ALKBH3: variants seen among roughly 807,000 people sequenced by gnomAD.
The protein encoded by ALKBH3 is alkB homolog 3, alpha-ketoglutarate dependent dioxygenase, also known as alpha-ketoglutarate-dependent dioxygenase alkB homolog 3.
ALKBH3 carries 51 observed loss-of-function variants against 43.9 expected under a neutral mutation model. The ratio of observed to expected loss-of-function variants is 1.16; its 90% CI spans 0.93 to 1.47. ALKBH3 has a LOEUF of 1.47. ALKBH3 is among the 40% of genes most tolerant of loss of function. The pLI is 0.00. For synonymous variants in ALKBH3, 102 were observed against 115.2 expected, an observed-to-expected ratio of 0.89 and a Z score of 0.73; for missense variants, 361 against 351.9, an observed-to-expected ratio of 1.03 and a Z score of -0.21.
intron 8 of ALKBH3, among the ~76,000 whole-genome samples, chr11:43,902,469 C>T (rs1256203356): frequency 6.6e-6 from 1 of 152,124 alleles, no homozygotes; most frequent in East Asian, 1.9e-4. Flanking sequence ...ATAGTAATGC[C>T]AAGAAAAGAG....
chr11:43,896,202 G>A (rs1951817189), intron 7 of ALKBH3, among the ~76,000 whole-genome samples: 1 of 151,750 alleles, frequency 6.6e-6, no homozygotes, highest in East Asian at 1.9e-4. Context: ...GCAAAAATTA[G>A]AATTTTAGAA....
intron 7 of ALKBH3, chr11:43,897,568 G>A (rs1951828267): frequency 3.8e-6 from 3 of 785,958 alleles, no homozygotes; most frequent in Admixed American, 1.7e-5. Context: ...ACATTCATGG[G>A]CAGTGACACT....
At chr11:43,889,177 G>A (rs958867575) in intron 5 of ALKBH3, among the ~76,000 whole-genome samples, 4 of 152,148 alleles carry the variant, frequency 2.6e-5, no homozygotes, top group Admixed American at 1.3e-4. Context: ...ACAGGCATGC[G>A]CCACCACGCC....
intron 7 of ALKBH3, chr11:43,897,668 G>A: frequency 1.2e-6 from 1 of 859,134 alleles, no homozygotes; most frequent in Non-Finnish European, 2.0e-6. Context: ...TGCTGAAGAA[G>A]ATTGCAGGAG....
At chr11:43,917,668 C>T (rs1590383946) in intron 8 of ALKBH3, among the ~76,000 whole-genome samples, 2 of 151,980 alleles carry the variant, frequency 1.3e-5, no homozygotes, top group Non-Finnish European at 2.9e-5. Flanking sequence ...ATCAGAGCAG[C>T]GTTTTGCTTT....
At position 43,919,053 on chromosome 11, in the gene ALKBH3, T is replaced by G; in HGVS notation, c.685T>G (p.Tyr229Asp). The change falls in exon 9 of 10, where the codon TAC (tyrosine) becomes GAC (aspartate). Residue 229 changes from tyrosine (Y) to aspartate (D), a missense_variant. Coordinates refer to ENST00000302708, the MANE Select transcript of ALKBH3 (RefSeq NM_139178.4). ...KKPPPEENGD[Y>D]TYVERVKIPL... ...TGTTTTCTAGGAAGAGAATGGAGAC[T>G]ACACATATGTGGAAAGAGTGAAGAT... The G allele has an allele frequency of 6.2e-7, 1 of 1,608,854 alleles. No individual in the cohort carries two copies.
chr11:43,891,932 C>T, intron 6 of ALKBH3, 109 bp from the exon 7 acceptor site: 1 of 807,288 alleles, frequency 1.2e-6, no homozygotes, highest in Non-Finnish European at 2.0e-6. Flanking sequence ...CCCATTCTTA[C>T]TTTTCTTTTG....
At chr11:43,906,690 A>T (rs1230169070) in intron 8 of ALKBH3, among the ~76,000 whole-genome samples, 1 of 152,176 alleles carries the variant, frequency 6.6e-6, no homozygotes, top group African/African-American at 2.4e-5. Context: ...CTATTTTTTT[A>T]AAGTAAATAA....
At chr11:43,902,737 C>T (rs1394619007) in intron 8 of ALKBH3, among the ~76,000 whole-genome samples, 1 of 152,228 alleles carries the variant, frequency 6.6e-6, no homozygotes, top group Non-Finnish European at 1.5e-5. Flanking sequence ...GCTGGGATTA[C>T]AGGCGTGTGC....
chr11:43,898,503 C>T lies in ALKBH3; in HGVS notation c.460-3013C>T, dbSNP rs115010557. On this transcript the variant is annotated intron_variant, in intron 7 of 9. Transcript: ENST00000302708. The stretch of plus-strand genomic sequence containing the variant: ...ACACCAACGGCTTGGTGAGAGCACT[C>T]GGGGAGGAAGCCCTGCTGAGATACG... The T allele has an allele frequency of 3.5e-3, 3,324 of 939,554 alleles. 31 individuals carry two copies. The highest frequency in any genetic ancestry group is 0.023 in the African/African-American group (1,394 of 61,876). The allele number at this position is 939,554 out of a possible 1,614,324, so 58.2% of individuals were successfully genotyped here. A position where few individuals can be genotyped will look rare whatever the true frequency, so the allele number is the denominator to read the frequency against.
At position 43,881,029 on chromosome 11, in the gene ALKBH3, G is replaced by C. The variant is rs1951707125; in HGVS notation, c.-221G>C. 6.6e-6 allele frequency: 1 copy of C among 152,306 alleles called. No homozygotes were observed. Among genetic ancestry groups the C allele is most frequent in the Non-Finnish European group, 1.5e-5 (1 of 68,112 alleles). 9.4% of individuals were successfully genotyped at this position (152,306 alleles called of 1,614,324 possible). Reference sequence around the variant, plus strand: ...GGGCGACCTCCGGGGCCTCATTCTAGGCCTCCTTAAAGAGAAGGATCTAAA... The same window carrying C: ...GGGCGACCTCCGGGGCCTCATTCTACGCCTCCTTAAAGAGAAGGATCTAAA... On this transcript the variant is annotated 5_prime_UTR_variant, in exon 1 of 10. Transcript: ENST00000302708.
chr11:43,911,487 A>C (rs1382880376), intron 8 of ALKBH3, among the ~76,000 whole-genome samples: 1 of 152,192 alleles, frequency 6.6e-6, no homozygotes, highest in African/African-American at 2.4e-5. Context: ...TAGGCAGTCG[A>C]CTGTGTAAGT....
At chr11:43,907,634 C>T (rs1394806641) in intron 8 of ALKBH3, among the ~76,000 whole-genome samples, 1 of 152,036 alleles carries the variant, frequency 6.6e-6, no homozygotes, top group African/African-American at 2.4e-5. Flanking sequence ...TTTCACAAGT[C>T]ACATTTTCAT....
At chr11:43,905,008 G>A (rs1303663838) in intron 8 of ALKBH3, among the ~76,000 whole-genome samples, 2 of 151,994 alleles carry the variant, frequency 1.3e-5, no homozygotes, top group African/African-American at 2.4e-5. Flanking sequence ...TTGACCCATC[G>A]GAGGAGAAGT....
chr11:43,897,280 G>T (rs749348035), intron 7 of ALKBH3: 1 of 582,762 alleles, frequency 1.7e-6, no homozygotes, highest in Non-Finnish European at 3.3e-6. Flanking sequence ...ATGAGCGCCC[G>T]TCGCCACCCC....
intron 8 of ALKBH3, among the ~76,000 whole-genome samples, chr11:43,918,591 T>C (rs756456616): frequency 6.6e-6 from 1 of 152,186 alleles, no homozygotes; most frequent in Non-Finnish European, 1.5e-5. Context: ...AAATCTTGGT[T>C]AAAAGGACAT....
chr11:43,891,529 G>A (rs1951783621), intron 6 of ALKBH3, among the ~76,000 whole-genome samples: 1 of 152,030 alleles, frequency 6.6e-6, no homozygotes, highest in Non-Finnish European at 1.5e-5. Flanking sequence ...CTCTAAATTG[G>A]AACATCAAAG....
Position 43,889,711 on chromosome 11 carries a change from C to T in ALKBH3, c.267-14C>T. On this transcript the variant is annotated splice_polypyrimidine_tract_variant and intron_variant, in intron 5 of 9. Transcript: ENST00000302708. ...TCCATGTTTTTTGGTTAACAATGTT[C>T]ATTCTGCACCCAGGGTCTGTTTGTA... 6.2e-7 allele frequency: 1 copy of T among 1,610,676 alleles called. No individual in the cohort carries two copies. The highest frequency in any genetic ancestry group is 8.5e-7 in the Non-Finnish European group (1 of 1,177,250).
chr11:43,914,922 T>G (rs891284748), intron 8 of ALKBH3, among the ~76,000 whole-genome samples: 1 of 151,698 alleles, frequency 6.6e-6, no homozygotes, highest in African/African-American at 2.4e-5. Flanking sequence ...AAGTTGAACT[T>G]GGGCTGGGTG....
Sources: allele counts gnomAD v4.1 joint callset (sites outside exome capture counted in the v4.1 genomes callset), GRCh38; gene constraint gnomAD v4.1.1; transcripts MANE v1.5; gene names NCBI Gene and HGNC (gene_info 2026-07-23, HGNC 2026-07-21).